The following HHAT variants were observed in gnomAD, a reference collection of about 807,000 sequenced individuals.
The protein encoded by HHAT is protein-cysteine N-palmitoyltransferase HHAT.
In HHAT, 47 loss-of-function variants were observed where a neutral mutation model predicts 70.8. The ratio of observed to expected loss-of-function variants is 0.66; its 90% confidence interval spans 0.53 to 0.85. The LOEUF is 0.85. Among genes scored for constraint, HHAT ranks in the 40% least tolerant of loss-of-function variants. The probability of loss-of-function intolerance (pLI) is 0.00; values close to 1 mark genes in which losing one functional copy is unlikely to be tolerated. For missense variants in HHAT, 609 were observed against 604.8 expected (o/e 1.01, Z -0.07); for synonymous variants, 228 against 247.6 (o/e 0.92, Z 0.74).
chr1:210,434,329 G>C (rs573552378), intron 7 of HHAT, among the ~76,000 whole-genome samples: 1 of 151,946 alleles, frequency 6.6e-6, no homozygotes, highest in East Asian at 1.9e-4. Flanking sequence ...GTAACTAAAA[G>C]CAATCAGAAA....
At chr1:210,674,238 C>G (rs527941114) in intron 11 of HHAT, 50 bp from the exon 12 acceptor site, 1 of 1,491,612 alleles carries the variant, frequency 6.7e-7, no homozygotes, top group Admixed American at 1.7e-5. Flanking sequence ...GTGGGATGTC[C>G]TGCCCCAAGC....
chr1:210,423,924 C>T (rs763482416), intron 7 of HHAT, among the ~76,000 whole-genome samples: 78 of 152,158 alleles, frequency 5.1e-4, no homozygotes, highest in Non-Finnish European at 1.1e-3. Context: ...ATGTACCATG[C>T]TGTTTTGGTT....
intron 11 of HHAT, among the ~76,000 whole-genome samples, chr1:210,637,421 C>T (rs1672081376): frequency 6.6e-6 from 1 of 152,094 alleles, no homozygotes; most frequent in African/African-American, 2.4e-5. Context: ...TGGGTGTCAT[C>T]AAAACTAAAA....
chr1:210,434,040 G>A lies in HHAT; in HGVS notation c.856+15715G>A, dbSNP rs565452280. Among the ~76,000 whole-genome samples, 29 of 152,054 alleles carry A rather than the reference G, an allele frequency of 1.9e-4. 2 individuals are homozygous for A. Among genetic ancestry groups the A allele is most frequent in the African/African-American group, 6.5e-4 (27 of 41,300 alleles). ...TTTGACAGGTAGATAGAAAAAGAGG[G>A]CTATCAATGAATCAGAAGGAATATT... On this transcript the variant is annotated intron_variant, in intron 7 of 11. Transcript: ENST00000261458.
chr1:210,560,265 A>G (rs2095609187), intron 9 of HHAT, among the ~76,000 whole-genome samples: 1 of 152,194 alleles, frequency 6.6e-6, no homozygotes, highest in Non-Finnish European at 1.5e-5. Context: ...AAAACAAGGA[A>G]AAGAACACGG....
intron 8 of HHAT, among the ~76,000 whole-genome samples, chr1:210,489,736 A>C (rs986090198): frequency 1.3e-5 from 2 of 152,224 alleles, no homozygotes; most frequent in Non-Finnish European, 2.9e-5. Flanking sequence ...ACCATCTGTG[A>C]ATCTGGGAAA....
At chr1:210,403,713 A>G (rs1405739957) in intron 5 of HHAT, among the ~76,000 whole-genome samples, 1 of 152,220 alleles carries the variant, frequency 6.6e-6, no homozygotes, top group Non-Finnish European at 1.5e-5. Flanking sequence ...TTTCTCACTA[A>G]ATGTATTTTT....
At chr1:210,628,150 C>T (rs1670172036) in intron 11 of HHAT, among the ~76,000 whole-genome samples, 1 of 151,830 alleles carries the variant, frequency 6.6e-6, no homozygotes, top group Non-Finnish European at 1.5e-5. Flanking sequence ...AGTGATCTCT[C>T]CACCGTCCTG....
At chr1:210,569,488 G>A (rs1221160852) in intron 9 of HHAT, among the ~76,000 whole-genome samples, 2 of 142,368 alleles carry the variant, frequency 1.4e-5, no homozygotes, top group African/African-American at 5.2e-5. Flanking sequence ...ATGTCTTTTT[G>A]TAGTCTACCT....
intron 10 of HHAT, among the ~76,000 whole-genome samples, chr1:210,608,050 G>A (rs1408188174): frequency 6.6e-6 from 1 of 152,162 alleles, no homozygotes; most frequent in Non-Finnish European, 1.5e-5. Flanking sequence ...GGAATGATAT[G>A]GATGGTATGG....
chr1:210,594,998 T>C (rs1021569512), intron 10 of HHAT, among the ~76,000 whole-genome samples: 5 of 151,992 alleles, frequency 3.3e-5, no homozygotes, highest in African/African-American at 1.2e-4. Flanking sequence ...AAGTTTTAGG[T>C]TACATGTGCA....
intron 7 of HHAT, among the ~76,000 whole-genome samples, chr1:210,424,965 A>G (rs2093018453): frequency 6.6e-6 from 1 of 152,272 alleles, no homozygotes; most frequent in Non-Finnish European, 1.5e-5. Context: ...ACTCTTACCA[A>G]CAGTGTATAA....
Position 210,329,066 on chromosome 1 carries a change from G to T in HHAT, c.-82G>T, listed in dbSNP as rs1440804476. ...GGGGTGTTGGGAACTCGCGGCGCGC[G>T]TGAACGTTGCCGTCGCCGCCGCCCG... On this transcript the variant is annotated 5_prime_UTR_variant, in exon 1 of 12. Coordinates refer to ENST00000261458, the MANE Select transcript of HHAT (RefSeq NM_018194.6). 7.0e-7 allele frequency: 1 copy of T among 1,430,068 alleles called. No homozygotes were observed. The highest frequency in any genetic ancestry group is 9.2e-7 in the Non-Finnish European group (1 of 1,091,824). The allele number at this position is 1,430,068 out of a possible 1,614,324, so 88.6% of individuals were successfully genotyped here.
In HHAT at chr1:210,560,831, A is replaced by C. The variant is rs1054456381; in HGVS notation, c.1044-27067A>C. 1.1e-3 allele frequency among the ~76,000 whole-genome samples: 162 copies of C among 144,580 alleles called. 1 individual carries two copies. Among genetic ancestry groups the C allele is most frequent in the African/African-American group, 3.9e-3 (145 of 37,596 alleles). 94.9% of individuals were successfully genotyped at this position (144,580 alleles called of 152,430 possible). ...CTGTGTCTTAAAAAAAAAAAAAAAAAAAAAAAAAAAAAAAAAAAAACCAGA... is the reference window on the plus strand; with the variant it reads ...CTGTGTCTTAAAAAAAAAAAAAAAACAAAAAAAAAAAAAAAAAAAACCAGA... On this transcript the variant is annotated intron_variant, in intron 9 of 11. Coordinates refer to ENST00000261458, the MANE Select transcript of HHAT (RefSeq NM_018194.6).
At chr1:210,409,286 C>T (rs1353879707) in intron 6 of HHAT, among the ~76,000 whole-genome samples, 1 of 152,146 alleles carries the variant, frequency 6.6e-6, no homozygotes, top group African/African-American at 2.4e-5. Context: ...GGAATCAAGA[C>T]ATGAGCCTTG....
At chr1:210,583,250 C>G (rs1659667430) in intron 9 of HHAT, among the ~76,000 whole-genome samples, 1 of 152,148 alleles carries the variant, frequency 6.6e-6, no homozygotes, top group South Asian at 2.1e-4. Flanking sequence ...TGCATTGATT[C>G]AGTGAGATGC....
chr1:210,468,601 G>T (rs2094147371), intron 8 of HHAT, among the ~76,000 whole-genome samples: 1 of 152,146 alleles, frequency 6.6e-6, no homozygotes, highest in South Asian at 2.1e-4. Flanking sequence ...TGATTGCATG[G>T]GCTTTTAGGT....
intron 9 of HHAT, among the ~76,000 whole-genome samples, chr1:210,573,246 A>G (rs1482378839): frequency 6.6e-6 from 1 of 152,140 alleles, no homozygotes; most frequent in East Asian, 1.9e-4. Context: ...AAACCAGGAA[A>G]GTGACTGCCA....
intron 11 of HHAT, among the ~76,000 whole-genome samples, chr1:210,667,363 C>T (rs1679129854): frequency 6.7e-6 from 1 of 149,934 alleles, no homozygotes; most frequent in Non-Finnish European, 1.5e-5. Context: ...GCCTGGGCAA[C>T]AAGAGTGAAA....
Sources: gnomAD v4.1 joint callset for allele counts (sites outside exome capture counted in the v4.1 genomes callset) on GRCh38, gnomAD v4.1.1 for gene constraint, MANE v1.5 for transcripts, NCBI Gene and HGNC (gene_info 2026-07-23, HGNC 2026-07-21) for gene names.